Variants in MGAT5 observed in about 807,000 individuals in gnomAD.
MGAT5 encodes the protein alpha-1,6-mannosylglycoprotein 6-beta-N-acetylglucosaminyltransferase.
A neutral mutation model predicts 94.3 loss-of-function variants in MGAT5; 30 were observed. The ratio of observed to expected loss-of-function variants is 0.32; its 90% confidence interval spans 0.24 to 0.43. MGAT5 has a LOEUF of 0.43. Ranked by LOEUF, MGAT5 falls within the 20% of genes least tolerant of loss-of-function variation. MGAT5 has a pLI of 1.00. For synonymous variants in MGAT5, 310 were observed against 322.9 expected (o/e 0.96, Z 0.43); for missense variants, 691 against 905.5 (o/e 0.76, Z 3.04).
At chr2:134,355,404 C>T (rs912845522) in intron 9 of MGAT5, among the ~76,000 whole-genome samples, 1 of 152,150 alleles carries the variant, frequency 6.6e-6, no homozygotes, top group African/African-American at 2.4e-5. Flanking sequence ...CTCTTCTACA[C>T]GCAAGTGGCT....
intron 1 of MGAT5, among the ~76,000 whole-genome samples, chr2:134,208,020 C>T (rs1364935896): frequency 6.6e-6 from 1 of 152,204 alleles, no homozygotes; most frequent in Admixed American, 6.5e-5. Flanking sequence ...TCACACTGTC[C>T]TAACCCTATC....
chr2:134,165,944 A>G (rs1423222817), intron 1 of MGAT5, among the ~76,000 whole-genome samples: 2 of 152,156 alleles, frequency 1.3e-5, no homozygotes, highest in Non-Finnish European at 2.9e-5. Flanking sequence ...CCTGTAAGGT[A>G]TGAAAAATAG....
At chr2:134,246,731 G>T (rs1053514451) in intron 1 of MGAT5, among the ~76,000 whole-genome samples, 4 of 152,220 alleles carry the variant, frequency 2.6e-5, no homozygotes, top group South Asian at 4.1e-4. Flanking sequence ...GACTCAGCTT[G>T]GTTTGGCGGA....
intron 1 of MGAT5, among the ~76,000 whole-genome samples, chr2:134,224,426 G>A (rs1680947667): frequency 6.6e-6 from 1 of 152,182 alleles, no homozygotes; most frequent in South Asian, 2.1e-4. Context: ...CACCTAAAAT[G>A]TTAAACCTTT....
chr2:134,274,668 A>G (rs554610335), intron 2 of MGAT5, among the ~76,000 whole-genome samples: 2 of 152,348 alleles, frequency 1.3e-5, no homozygotes, highest in East Asian at 3.9e-4. Flanking sequence ...CTGTTCCTTA[A>G]AAGCCAAAAC....
intron 4 of MGAT5, among the ~76,000 whole-genome samples, chr2:134,327,057 G>C (rs1180311866): frequency 6.6e-6 from 1 of 152,032 alleles, no homozygotes; most frequent in African/African-American, 2.4e-5. Flanking sequence ...TTGAATGAAT[G>C]GTTCTATCTG....
intron 2 of MGAT5, among the ~76,000 whole-genome samples, chr2:134,273,080 C>A (rs886836304): frequency 6.6e-6 from 1 of 152,100 alleles, no homozygotes; most frequent in African/African-American, 2.4e-5. Context: ...ACTGTCTTGG[C>A]CAAAGTGGAT....
In MGAT5 at chr2:134,452,161, G is replaced by C. The variant is rs1686141561; in HGVS notation, c.*3314G>C. On this transcript the variant is annotated 3_prime_UTR_variant, in exon 16 of 16. Transcript: ENST00000281923. ...ACGCTCCCTATAACCCCCCCGCCAG[G>C]CCATAGCGTGTATGCATGTGCACTT... 1 of 152,166 alleles carries C rather than the reference G, an allele frequency of 6.6e-6. No homozygotes were observed. The highest frequency in any genetic ancestry group is 2.4e-5 in the African/African-American group (1 of 41,410). The allele number at this position is 152,166 out of a possible 1,614,324, so 9.4% of individuals were successfully genotyped here. A position where few individuals can be genotyped will look rare whatever the true frequency, so the allele number is the denominator to read the frequency against.
intron 2 of MGAT5, among the ~76,000 whole-genome samples, chr2:134,273,622 C>CTGTGTGTG (rs3034326): frequency 6.7e-6 from 1 of 149,792 alleles, no homozygotes; most frequent in Non-Finnish European, 1.5e-5. Context: ...GGGGATAGCT[C>CTGTGTGTG]TGTGTGTGTG....
intron 12 of MGAT5, 111 bp downstream of exon 12, chr2:134,413,126 G>A (rs1287076306): frequency 5.6e-6 from 7 of 1,251,548 alleles, no homozygotes; most frequent in South Asian, 1.4e-5. Flanking sequence ...GAGGGTGAGG[G>A]TATAGAGGCT....
chr2:134,199,871 TTGGTGCTC>T (rs1679689411), intron 1 of MGAT5, among the ~76,000 whole-genome samples: 1 of 152,136 alleles, frequency 6.6e-6, no homozygotes, highest in Non-Finnish European at 1.5e-5. Context: ...CAGATACTGA[TTGGTGCTC>T]TGTATGTGGA....
At position 134,453,540 on chromosome 2, in the gene MGAT5, T is replaced by C. The variant is rs573972510; in HGVS notation, c.*4693T>C. The C allele has an allele frequency of 7.9e-5, 12 of 152,270 alleles. No individual in the cohort carries two copies. The highest frequency in any genetic ancestry group is 2.9e-4 in the African/African-American group (12 of 41,550). 9.4% of individuals were successfully genotyped at this position (152,270 alleles called of 1,614,324 possible). A position where few individuals can be genotyped will look rare whatever the true frequency, so the allele number is the denominator to read the frequency against. ...TTCCTTTGAATGCAATAATAGAGGCTTTTCTGCGTTAAGGGAGAAGGAATG... is the reference window on the plus strand; with the variant it reads ...TTCCTTTGAATGCAATAATAGAGGCCTTTCTGCGTTAAGGGAGAAGGAATG... On this transcript the variant is annotated 3_prime_UTR_variant, in exon 16 of 16. Coordinates refer to ENST00000281923, the MANE Select transcript of MGAT5 (RefSeq NM_002410.5).
At chr2:134,431,062 T>C (rs1449748746) in intron 14 of MGAT5, among the ~76,000 whole-genome samples, 1 of 152,074 alleles carries the variant, frequency 6.6e-6, no homozygotes, top group Non-Finnish European at 1.5e-5. Flanking sequence ...GACTGAAGGC[T>C]GGACAAGTCC....
At position 134,130,065 on chromosome 2, in the gene MGAT5, C is replaced by T. The variant is rs546249921; in HGVS notation, c.-143+9774C>T. The stretch of plus-strand genomic sequence containing the variant: ...CTGGGGCAGTGAGGGGCTTAGCACC[C>T]GTGCCAGCAGCTGCGGAGGAGCGCC... On this transcript the variant is annotated intron_variant, in intron 1 of 16. Coordinates refer to the MGAT5 transcript ENST00000409645. Among the ~76,000 whole-genome samples the T allele has an allele frequency of 4.9e-4, 75 of 152,296 alleles. 1 individual carries two copies. The highest frequency in any genetic ancestry group is 3.4e-3 in the Middle Eastern group (1 of 292).
At chr2:134,342,515 G>A (rs183882087) in intron 7 of MGAT5, among the ~76,000 whole-genome samples, 142 of 152,228 alleles carry the variant, frequency 9.3e-4, no homozygotes, top group Admixed American at 2.1e-3. Context: ...ACTTCGGGAG[G>A]CCAAGGTAGG....
At chr2:134,317,744 G>A (rs1451294795) in intron 3 of MGAT5, 139 bp downstream of exon 3, 4 of 518,866 alleles carry the variant, frequency 7.7e-6, no homozygotes, top group South Asian at 3.3e-5. Flanking sequence ...CCATCCTGCC[G>A]GCTTTGTCTG....
intron 1 of MGAT5, among the ~76,000 whole-genome samples, chr2:134,178,611 G>A (rs72843960): frequency 0.059 from 9,034 of 152,262 alleles, 550 homozygotes; most frequent in African/African-American, 0.15. Context: ...AAAGTATGCA[G>A]AGAATGGATT....
chr2:134,290,145 G>A (rs1401530765), intron 2 of MGAT5, among the ~76,000 whole-genome samples: 7 of 152,294 alleles, frequency 4.6e-5, no homozygotes, highest in African/African-American at 1.7e-4. Context: ...AGTCCTACTC[G>A]TGTGTTCTCA....
At chr2:134,434,575 A>G (rs533523349) in intron 14 of MGAT5, among the ~76,000 whole-genome samples, 5 of 152,332 alleles carry the variant, frequency 3.3e-5, no homozygotes, top group Admixed American at 3.3e-4. Flanking sequence ...TCAAAGCCTC[A>G]AGATGCAAAA....
Sources: allele counts gnomAD v4.1 joint callset (sites outside exome capture counted in the v4.1 genomes callset), GRCh38; gene constraint gnomAD v4.1.1; transcripts MANE v1.5; gene names NCBI Gene and HGNC (gene_info 2026-07-23, HGNC 2026-07-21).